Variants in ZIC1 observed in about 807,000 individuals in gnomAD.
The protein encoded by ZIC1 is zinc finger protein ZIC 1.
Under a neutral mutation model 30.9 loss-of-function variants are expected in ZIC1, and 4 were observed. That is an observed-to-expected ratio of 0.13 (90% CI 0.06 to 0.30). The LOEUF (loss-of-function observed/expected upper bound fraction) is 0.30. Ranked by LOEUF, ZIC1 falls within the 10% of genes least tolerant of loss-of-function variation. The pLI, the probability that ZIC1 is intolerant of heterozygous loss-of-function variation, is 1.00. For missense variants in ZIC1, 441 were observed against 639.3 expected, an observed-to-expected ratio of 0.69 and a Z score of 3.34; for synonymous variants, 305 against 277.5, an observed-to-expected ratio of 1.10 and a Z score of -0.98.
rs2087406180 is a variant in ZIC1, at chr3:147,413,854, T to C, written c.*303T>C. 3.7e-6 allele frequency: 1 copy of C among 270,764 alleles called. No individual in the cohort carries two copies. The allele number at this position is 270,764 out of a possible 1,614,324, so 16.8% of individuals were successfully genotyped here. A position where few individuals can be genotyped will look rare whatever the true frequency, so the allele number is the denominator to read the frequency against. Reference sequence around the variant, plus strand: ...CCGCCAACCCCGAGGGCCAGTTTCTTGTCGAATTGGTACGGGCTCTCTGGG... The same window carrying C: ...CCGCCAACCCCGAGGGCCAGTTTCTCGTCGAATTGGTACGGGCTCTCTGGG... On this transcript the variant is annotated 3_prime_UTR_variant, in exon 3 of 3. Transcript: ENST00000282928.
intron 2 of ZIC1, 67 bp downstream of exon 2, chr3:147,412,748 G>C: frequency 6.4e-7 from 1 of 1,559,982 alleles, no homozygotes; most frequent in Non-Finnish European, 8.7e-7. Context: ...TTGGGGTCGG[G>C]CGGCGAGTGG....
Position 147,409,778 on chromosome 3 carries a change from C to A in ZIC1, c.-335C>A. 2.7e-6 allele frequency: 1 copy of A among 366,356 alleles called. No individual in the cohort carries two copies. The highest frequency in any genetic ancestry group is 4.9e-5 in the East Asian group (1 of 20,554). 22.7% of individuals were successfully genotyped at this position (366,356 alleles called of 1,614,324 possible). On this transcript the variant is annotated 5_prime_UTR_variant, in exon 1 of 3. Coordinates refer to ENST00000282928, the MANE Select transcript of ZIC1 (RefSeq NM_003412.4). ...GGGCTGAGATGCTCCATGCCTTTCCCCGGGCAGCCTTGACGCGCGGCCCTC... is the reference window on the plus strand; with the variant it reads ...GGGCTGAGATGCTCCATGCCTTTCCACGGGCAGCCTTGACGCGCGGCCCTC...
Position 147,413,439 on chromosome 3 carries a change from C to T in ZIC1, c.1232C>T (p.Ser411Phe), listed in dbSNP as rs1162132611. 2 of 1,614,218 alleles carry T rather than the reference C, an allele frequency of 1.2e-6. No homozygotes were observed. Among genetic ancestry groups the T allele is most frequent in the Non-Finnish European group, 1.7e-6 (2 of 1,180,046 alleles). Residue 411 changes from serine (S) to phenylalanine (F), a missense_variant, in exon 3 of 3, where the codon TCT becomes TTT. Around this residue, in one of 5 missense-constraint regions of ZIC1, gnomAD observed 56 missense variants for 52.5 expected, o/e 1.07. Transcript: ENST00000282928. The stretch of plus-strand genomic sequence containing the variant: ...TCCTCCACGCCTCCCACCATCGTGT[C>T]TCCCTCCACAGACAACCCGACCACA... The part of the protein sequence containing the change: ...YESSTPPTIV[S>F]PSTDNPTTSS...
Position 147,409,678 on chromosome 3 carries a change from A to G in ZIC1, c.-435A>G, listed in dbSNP as rs1356393767. The G allele has an allele frequency of 5.9e-6, 1 of 169,318 alleles. No individual in the cohort carries two copies. The highest frequency in any genetic ancestry group is 1.3e-5 in the Non-Finnish European group (1 of 79,980). The allele number at this position is 169,318 out of a possible 1,614,324, so 10.5% of individuals were successfully genotyped here. A position where few individuals can be genotyped will look rare whatever the true frequency, so the allele number is the denominator to read the frequency against. On this transcript the variant is annotated 5_prime_UTR_variant, in exon 1 of 3. Transcript: ENST00000282928. ...GAGGGGCGCGCTGCGCGAGGCGGAG[A>G]GAGGGCGAAGCAGTCGCGGCACTGG...
chr3:147,411,294 A>G (rs945781544), intron 1 of ZIC1, among the ~76,000 whole-genome samples, 200 bp downstream of exon 1: 1 of 152,164 alleles, frequency 6.6e-6, no homozygotes, highest in African/African-American at 2.4e-5. Context: ...CACAGGGCGG[A>G]CGAGGAGGAG....
rs753201263 is a variant in ZIC1, at chr3:147,410,595, G to C, written c.483G>C (p.Gly161=). 1.9e-6 allele frequency: 3 copies of C among 1,613,386 alleles called. No homozygotes were observed. The highest frequency in any genetic ancestry group is 2.5e-6 in the Non-Finnish European group (3 of 1,179,870). ...ACGCGTCGCCTAACGTGGTCAACGG[G>C]CAGATGAGGCTCGGCTTCTCGGGGG... ...AGHASPNVVN[G]QMRLGFSGDM... Residue 161 remains glycine, a synonymous_variant, in exon 1 of 3, where the codon GGG becomes GGC. Coordinates refer to ENST00000282928, the MANE Select transcript of ZIC1 (RefSeq NM_003412.4).
intron 1 of ZIC1, among the ~76,000 whole-genome samples, chr3:147,412,166 G>A (rs143539678): frequency 6.6e-6 from 1 of 152,182 alleles, no homozygotes; most frequent in African/African-American, 2.4e-5. Context: ...AGCCGCAAAC[G>A]TGAAAACTAG....
rs748330729 is a variant in ZIC1 at position 147,410,068 on chromosome 3, G to T, written c.-45G>T. ...CGATTTTCCCTCCTCGGCTGGCGAG[G>T]GTGGGGGGGGCGGGGGAGGCCGGGG... On this transcript the variant is annotated 5_prime_UTR_variant, in exon 1 of 3. Coordinates refer to ENST00000282928, the MANE Select transcript of ZIC1 (RefSeq NM_003412.4). 2.8e-6 allele frequency: 4 copies of T among 1,430,332 alleles called. No homozygotes were observed. Among genetic ancestry groups the T allele is most frequent in the Non-Finnish European group, 3.6e-6 (4 of 1,099,966 alleles). 88.6% of individuals were successfully genotyped at this position (1,430,332 alleles called of 1,614,324 possible).
In ZIC1 at chr3:147,410,224, A is replaced by G; in HGVS notation, c.112A>G (p.Asn38Asp). 1 of 1,601,636 alleles carries G rather than the reference A, an allele frequency of 6.2e-7. No individual in the cohort carries two copies. Among genetic ancestry groups the G allele is most frequent in the Non-Finnish European group, 8.5e-7 (1 of 1,179,674 alleles). ...VAERDVGLGI[N>D]PFADGMGAFK... is the part of the protein sequence containing the mutation. Reference sequence around the variant, plus strand: ...CGAACGAGACGTGGGCCTGGGCATCAACCCGTTCGCCGACGGCATGGGCGC... The same window carrying G: ...CGAACGAGACGTGGGCCTGGGCATCGACCCGTTCGCCGACGGCATGGGCGC... The change falls in exon 1 of 3, where the codon AAC becomes GAC. Residue 38 changes from asparagine (N) to aspartate (D), a missense_variant. Around this residue, in one of 5 missense-constraint regions of ZIC1, gnomAD observed 307 missense variants for 355.3 expected, o/e 0.86. Transcript: ENST00000282928.
Position 147,413,481 on chromosome 3 carries a change from C to T in ZIC1, c.1274C>T (p.Ser425Phe), listed in dbSNP as rs1323691587. 1.9e-6 allele frequency: 3 copies of T among 1,614,178 alleles called. No individual in the cohort carries two copies. In the South Asian group the frequency reaches 3.3e-5, roughly 18 times the overall value. The change falls in exon 3 of 3, where the codon TCC (serine) becomes TTC (phenylalanine). Residue 425 changes from serine to phenylalanine, a missense_variant. Ser to Phe is a radical substitution (Grantham distance 155). Transcript: ENST00000282928. ...DNPTTSSLSPSSSAVHHTAGH... is the reference protein window; with the variant it reads ...DNPTTSSLSPFSSAVHHTAGH... ...CCGACCACAAGCTCCTTATCGCCCT[C>T]CTCCTCCGCAGTCCACCACACAGCC...
intron 1 of ZIC1, 89 bp from the exon 2 acceptor site, chr3:147,412,429 T>G: frequency 6.6e-7 from 1 of 1,522,996 alleles, no homozygotes; most frequent in Non-Finnish European, 8.9e-7. Flanking sequence ...TGGCTTTTTG[T>G]TTTATTTTTT....
rs757248226 is a variant in ZIC1 at position 147,410,199 on chromosome 3, C to A, written c.87C>A (p.Ala29=). ...ASRHHSAGDV[A]ERDVGLGINP... is the part of the protein sequence containing the mutation. ...GCCACCACTCCGCGGGCGACGTGGCCGAACGAGACGTGGGCCTGGGCATCA... is the reference window on the plus strand; with the variant it reads ...GCCACCACTCCGCGGGCGACGTGGCAGAACGAGACGTGGGCCTGGGCATCA... The change falls in exon 1 of 3, where the codon GCC becomes GCA. Residue 29 remains alanine (A), a synonymous_variant. Transcript: ENST00000282928. 1.2e-6 allele frequency: 2 copies of A among 1,601,046 alleles called. No homozygotes were observed. Among genetic ancestry groups the A allele is most frequent in the Non-Finnish European group, 1.7e-6 (2 of 1,179,452 alleles).
chr3:147,413,861 T>TTC lies in ZIC1; in HGVS notation c.*311_*312insCT, dbSNP rs2087406333. The TTC allele has an allele frequency of 7.6e-6, 2 of 261,778 alleles. No homozygotes were observed. The highest frequency in any genetic ancestry group is 1.4e-5 in the Non-Finnish European group (2 of 140,066). The allele number at this position is 261,778 out of a possible 1,614,324, so 16.2% of individuals were successfully genotyped here. ...CCCCGAGGGCCAGTTTCTTGTCGAA[T>TTC]TGGTACGGGCTCTCTGGGGCTTCGG... On this transcript the variant is annotated 3_prime_UTR_variant, in exon 3 of 3. Transcript: ENST00000282928.
In ZIC1 at chr3:147,411,036, C is replaced by T. The variant is rs776897298; in HGVS notation, c.924C>T (p.Gly308=). 18 of 1,614,034 alleles carry T rather than the reference C, an allele frequency of 1.1e-5. No homozygotes were observed. In the African/African-American group the frequency reaches 1.5e-4, roughly 13 times the overall value. Residue 308 remains glycine (G), a synonymous_variant, in exon 1 of 3, where the codon GGC becomes GGT. Coordinates refer to ENST00000282928, the MANE Select transcript of ZIC1 (RefSeq NM_003412.4). ...GEKPFPCPFP[G]CGKVFARSEN... ...AGCCCTTTCCCTGCCCCTTCCCTGG[C>T]TGTGGCAAGGTCTTCGCGCGCTCCG...
chr3:147,413,690 A>T lies in ZIC1; in HGVS notation c.*139A>T. ...ATCCTTTTTTAAAAAATCTGCCAAT[A>T]GACCCAGGACGAGTAAGAGAGGAAG... On this transcript the variant is annotated 3_prime_UTR_variant, in exon 3 of 3. Coordinates refer to ENST00000282928, the MANE Select transcript of ZIC1 (RefSeq NM_003412.4). 1.0e-6 allele frequency: 1 copy of T among 974,318 alleles called. No homozygotes were observed. The highest frequency in any genetic ancestry group is 2.8e-5 in the East Asian group (1 of 35,346). 60.4% of individuals were successfully genotyped at this position (974,318 alleles called of 1,614,324 possible).
Position 147,412,554 on chromosome 3 carries a change from A to C in ZIC1, c.1019A>C (p.Asp340Ala), listed in dbSNP as rs2087390252. ...KPFKCEFEGC[D>A]RRFANSSDRK... is the part of the protein sequence containing the mutation. ...TTCAAGTGCGAGTTTGAGGGCTGTGACCGGCGCTTCGCTAACAGCAGCGAC... is the reference window on the plus strand; with the variant it reads ...TTCAAGTGCGAGTTTGAGGGCTGTGCCCGGCGCTTCGCTAACAGCAGCGAC... Residue 340 changes from aspartate (D) to alanine (A), a missense_variant, in exon 2 of 3, where the codon GAC becomes GCC. Physicochemically the swap from Asp to Ala is moderately radical, Grantham distance 126. Around this residue, in one of 5 missense-constraint regions of ZIC1, gnomAD observed 14 missense variants for 99.8 expected, o/e 0.14. Coordinates refer to ENST00000282928, the MANE Select transcript of ZIC1 (RefSeq NM_003412.4). 6.2e-7 allele frequency: 1 copy of C among 1,614,034 alleles called. No homozygotes were observed. The highest frequency in any genetic ancestry group is 1.3e-5 in the African/African-American group (1 of 74,908).
In ZIC1 at chr3:147,410,734, C is replaced by G; in HGVS notation, c.622C>G (p.His208Asp). The change falls in exon 1 of 3, where the codon CAC (histidine) becomes GAC (aspartate). Residue 208 changes from histidine to aspartate, a missense_variant. His to Asp is a moderately conservative substitution (Grantham distance 81). This residue lies in a region of ZIC1 where 307 missense variants were observed against 355.3 expected (regional missense o/e 0.86). Transcript: ENST00000282928. ...CATGAACGTGAACATGGCCGCGCAT[C>G]ACGGCGCCGGCGCCTTCTTCCGCTA... is the stretch of plus-strand genomic sequence containing the variant. ...GPMNVNMAAH[H>D]GAGAFFRYMR... 1 of 1,614,112 alleles carries G rather than the reference C, an allele frequency of 6.2e-7. No homozygotes were observed.
In ZIC1 at chr3:147,414,368, T is replaced by C. The variant is rs990137106; in HGVS notation, c.*817T>C. The C allele has an allele frequency of 6.6e-6, 1 of 152,612 alleles. No individual in the cohort carries two copies. Among genetic ancestry groups the C allele is most frequent in the Non-Finnish European group, 1.5e-5 (1 of 68,042 alleles). 9.5% of individuals were successfully genotyped at this position (152,612 alleles called of 1,614,324 possible). A position where few individuals can be genotyped will look rare whatever the true frequency, so the allele number is the denominator to read the frequency against. On this transcript the variant is annotated 3_prime_UTR_variant, in exon 3 of 3. Coordinates refer to ENST00000282928, the MANE Select transcript of ZIC1 (RefSeq NM_003412.4). ...TTAAAAAAGATATAAACTATAACTG[T>C]CCGTTACTTTTGGCAAAAGATACAA...
chr3:147,413,289 C>T (rs2087398561), intron 2 of ZIC1, 65 bp from the exon 3 acceptor site: 8 of 1,551,508 alleles, frequency 5.2e-6, no homozygotes, highest in Non-Finnish European at 6.1e-6. Flanking sequence ...TCGCGGCCTT[C>T]GCCTCTCTAG....
Sources: gnomAD v4.1 joint callset for allele counts (sites outside exome capture counted in the v4.1 genomes callset) on GRCh38, gnomAD v4.1.1 for gene constraint, gnomAD v4.1.1 regional missense constraint, MANE v1.5 for transcripts, NCBI Gene and HGNC (gene_info 2026-07-23, HGNC 2026-07-21) for gene names.